Variants in PDE10A observed in about 807,000 individuals in gnomAD.
PDE10A encodes phosphodiesterase 10A.
A neutral mutation model predicts 97.7 loss-of-function variants in PDE10A; 39 were observed. That is an observed-to-expected ratio of 0.40 (90% CI 0.31 to 0.52). PDE10A has a LOEUF of 0.52. Ranked by LOEUF, PDE10A falls within the 20% of genes least tolerant of loss-of-function variation. The pLI is 0.56. For synonymous variants in PDE10A, 371 were observed against 376.8 expected (o/e 0.98, Z 0.18); for missense variants, 731 against 1,047.8 (o/e 0.70, Z 4.17).
intron 1 of PDE10A, among the ~76,000 whole-genome samples, chr6:165,814,315 C>T (rs1237656989): frequency 6.6e-6 from 1 of 152,102 alleles, no homozygotes; most frequent in South Asian, 2.1e-4. Flanking sequence ...GACTCCACAC[C>T]CTCCACCGCC....
At chr6:165,707,147 A>C (rs1338808141) in intron 1 of PDE10A, among the ~76,000 whole-genome samples, 1 of 152,248 alleles carries the variant, frequency 6.6e-6, no homozygotes, top group Non-Finnish European at 1.5e-5. Flanking sequence ...TGACCCTCAA[A>C]GTAGCTGGAA....
At chr6:165,732,475 G>A (rs1047754213) in intron 1 of PDE10A, among the ~76,000 whole-genome samples, 10 of 152,276 alleles carry the variant, frequency 6.6e-5, no homozygotes, top group South Asian at 2.1e-4. Context: ...GAGTTGTGGC[G>A]GCACACAGTC....
At chr6:165,889,694 C>T (rs982369769) in intron 1 of PDE10A, among the ~76,000 whole-genome samples, 1 of 152,128 alleles carries the variant, frequency 6.6e-6, no homozygotes, top group African/African-American at 2.4e-5. Context: ...CTCAAGTGTC[C>T]TCCATGACAG....
At chr6:165,494,317 G>T (rs920772989) in intron 2 of PDE10A, among the ~76,000 whole-genome samples, 2 of 151,784 alleles carry the variant, frequency 1.3e-5, no homozygotes, top group East Asian at 1.9e-4. Context: ...CCCATTCCTG[G>T]GTATTTACCC....
chr6:165,570,784 T>G (rs571950192), intron 1 of PDE10A, among the ~76,000 whole-genome samples: 1 of 152,284 alleles, frequency 6.6e-6, no homozygotes, highest in Admixed American at 6.5e-5. Flanking sequence ...TCGATTATTA[T>G]TAGTAGCATT....
intron 1 of PDE10A, among the ~76,000 whole-genome samples, chr6:165,972,309 G>A (rs1248350213): frequency 1.3e-5 from 2 of 151,940 alleles, no homozygotes; most frequent in Non-Finnish European, 2.9e-5. Flanking sequence ...ACCTGCGCAG[G>A]TGGACGGGGA....
intron 1 of PDE10A, among the ~76,000 whole-genome samples, chr6:165,727,579 C>T (rs1243544456): frequency 6.6e-6 from 1 of 152,212 alleles, no homozygotes; most frequent in Admixed American, 6.5e-5. Flanking sequence ...ACCAGCTCAC[C>T]AGTTCCTTCC....
At chr6:165,886,291 G>A (rs77203953) in intron 1 of PDE10A, among the ~76,000 whole-genome samples, 7,655 of 150,580 alleles carry the variant, frequency 0.051, 271 homozygotes, top group Middle Eastern at 0.11. Context: ...CTGGAGTCCT[G>A]CAGCCCTGGA....
intron 1 of PDE10A, among the ~76,000 whole-genome samples, chr6:165,687,968 G>T (rs148631993): frequency 6.6e-6 from 1 of 152,192 alleles, no homozygotes. Flanking sequence ...AGATGTGAAC[G>T]AGGACGGCTC....
intron 16 of PDE10A, among the ~76,000 whole-genome samples, chr6:165,390,504 C>T (rs1395076937): frequency 6.6e-6 from 1 of 152,108 alleles, no homozygotes; most frequent in Non-Finnish European, 1.5e-5. Flanking sequence ...TAAAAAACTG[C>T]ATGCGTACAT....
intron 1 of PDE10A, among the ~76,000 whole-genome samples, chr6:165,787,133 G>A (rs556858141): frequency 6.6e-6 from 1 of 152,012 alleles, no homozygotes; most frequent in Admixed American, 6.6e-5. Context: ...TCTTAAAGAA[G>A]CGAGATAAAA....
At chr6:165,624,555 A>G (rs1788294153) in intron 1 of PDE10A, among the ~76,000 whole-genome samples, 1 of 152,148 alleles carries the variant, frequency 6.6e-6, no homozygotes, top group Non-Finnish European at 1.5e-5. Context: ...AACTAATTCC[A>G]GTTCAAAATT....
intron 1 of PDE10A, among the ~76,000 whole-genome samples, chr6:165,612,079 T>C (rs576589904): frequency 3.6e-4 from 55 of 152,368 alleles, no homozygotes; most frequent in African/African-American, 1.3e-3. Context: ...TGAACAATCA[T>C]TATTAACGAC....
At chr6:165,628,303 C>A (rs1378017074) in intron 1 of PDE10A, among the ~76,000 whole-genome samples, 1 of 152,102 alleles carries the variant, frequency 6.6e-6, no homozygotes, top group Admixed American at 6.5e-5. Context: ...AAAGGCTTAG[C>A]ACAGTGCCTA....
At chr6:165,396,483 AAC>A in intron 13 of PDE10A, 24 bp from the exon 14 acceptor site, 1 of 1,578,996 alleles carries the variant, frequency 6.3e-7, no homozygotes, top group Non-Finnish European at 8.6e-7. Flanking sequence ...CCAAAAAAAA[AAC>A]CCCCAAAATT....
intron 1 of PDE10A, among the ~76,000 whole-genome samples, chr6:165,543,788 C>G (rs1169199592): frequency 6.6e-6 from 1 of 152,086 alleles, no homozygotes; most frequent in African/African-American, 2.4e-5. Flanking sequence ...TACTGCCCAA[C>G]ATTGGGAATA....
chr6:165,955,001 C>T (rs1431662267), intron 1 of PDE10A, among the ~76,000 whole-genome samples: 2 of 152,170 alleles, frequency 1.3e-5, no homozygotes, highest in Non-Finnish European at 1.5e-5. Context: ...ACCTGCCTTA[C>T]ACCTCCACAA....
Position 165,331,727 on chromosome 6 carries a change from G to A in PDE10A, c.*1298C>T, listed in dbSNP as rs1781352210. Reference sequence around the variant, plus strand: ...TATCATCTTTGTAGGAAGGGGTGCAGAGTATTACTTTCGTATTTTTTAAAA... The same window carrying A: ...TATCATCTTTGTAGGAAGGGGTGCAAAGTATTACTTTCGTATTTTTTAAAA... On this transcript the variant is annotated 3_prime_UTR_variant, in exon 22 of 22. Transcript: ENST00000539869. 6.6e-6 allele frequency: 1 copy of A among 151,476 alleles called. No homozygotes were observed. Among genetic ancestry groups the A allele is most frequent in the Non-Finnish European group, 1.5e-5 (1 of 67,722 alleles). 9.4% of individuals were successfully genotyped at this position (151,476 alleles called of 1,614,324 possible).
chr6:165,863,468 AC>A lies in PDE10A; in HGVS notation c.-615+124060del, dbSNP rs1297493665. Among the ~76,000 whole-genome samples the A allele has an allele frequency of 3.9e-5, 6 of 152,292 alleles. No homozygotes were observed. In the East Asian group the frequency reaches 1.2e-3, roughly 29 times the overall value. On this transcript the variant is annotated intron_variant, in intron 1 of 19. Coordinates refer to the PDE10A transcript ENST00000366882. Reference sequence around the variant, plus strand: ...ATAAACTAGATAACTGCATATAACTACCTTTTAATGTTGGCAGGAAGCTCCG... The same window carrying A: ...ATAAACTAGATAACTGCATATAACTACTTTTAATGTTGGCAGGAAGCTCCG...
Sources: gnomAD v4.1 joint callset for allele counts (sites outside exome capture counted in the v4.1 genomes callset) on GRCh38, gnomAD v4.1.1 for gene constraint, MANE v1.5 for transcripts, NCBI Gene and HGNC (gene_info 2026-07-23, HGNC 2026-07-21) for gene names.